FARS2: variants seen among roughly 807,000 people sequenced by gnomAD.
FARS2 encodes phenylalanine--tRNA ligase, mitochondrial.
In FARS2, 40 loss-of-function variants were observed where a neutral mutation model predicts 46.4. The ratio of observed to expected loss-of-function variants is 0.86; its 90% CI spans 0.67 to 1.12. The LOEUF is 1.12. Among genes scored for constraint, FARS2 ranks in the 50% most tolerant of loss-of-function variants. The pLI is 0.00. For synonymous variants in FARS2, 234 were observed against 214.9 expected (o/e 1.09, Z -0.78); for missense variants, 513 against 567.9 (o/e 0.90, Z 0.98).
intron 1 of FARS2, among the ~76,000 whole-genome samples, chr6:5,267,811 T>G (rs1002146423): frequency 6.6e-6 from 1 of 151,400 alleles, no homozygotes; most frequent in Admixed American, 6.6e-5. Context: ...TAGTTTACAC[T>G]CCCACCAACA....
At chr6:5,358,921 G>A (rs949058871) in intron 1 of FARS2, among the ~76,000 whole-genome samples, 1 of 151,032 alleles carries the variant, frequency 6.6e-6, no homozygotes, top group African/African-American at 2.4e-5. Context: ...GAAGTTTCCA[G>A]TGTGACAGAA....
intron 5 of FARS2, among the ~76,000 whole-genome samples, chr6:5,549,203 TTAAGTTCTAGGG>T (rs1214519558): frequency 2.6e-5 from 4 of 152,166 alleles, no homozygotes; most frequent in South Asian, 2.1e-4. Context: ...TAATTATACT[TTAAGTTCTAGGG>T]TACATGTGCA....
chr6:5,341,247 T>A (rs1771625884), intron 1 of FARS2, among the ~76,000 whole-genome samples: 1 of 74,624 alleles, frequency 1.3e-5, no homozygotes, highest in African/African-American at 5.3e-5. Context: ...TTTTTTTTTT[T>A]TTTTTTTTTT....
At chr6:5,353,358 AACATGG>A (rs1757694324) in intron 1 of FARS2, among the ~76,000 whole-genome samples, 1 of 152,214 alleles carries the variant, frequency 6.6e-6, no homozygotes, top group East Asian at 1.9e-4. Flanking sequence ...TGCTGCAATA[AACATGG>A]GAGTGCAGAT....
intron 6 of FARS2, among the ~76,000 whole-genome samples, chr6:5,663,232 C>G (rs115846752): frequency 1.3e-5 from 2 of 152,120 alleles, no homozygotes; most frequent in Admixed American, 6.5e-5. Flanking sequence ...TAAAAACAAG[C>G]CCCCCTGGCT....
rs146402585 is a variant in FARS2, at chr6:5,447,072, C to T, written c.904+15900C>T. Reference sequence around the variant, plus strand: ...TCTCATCCTTCTGGTAGTAGTGAGGCATTGAAATATTTAAAGTAGGAAAAT... The same window carrying T: ...TCTCATCCTTCTGGTAGTAGTGAGGTATTGAAATATTTAAAGTAGGAAAAT... On this transcript the variant is annotated intron_variant, in intron 4 of 6. Coordinates refer to ENST00000274680, the MANE Select transcript of FARS2 (RefSeq NM_006567.5). 2.0e-5 allele frequency among the ~76,000 whole-genome samples: 3 copies of T among 152,254 alleles called. No individual in the cohort carries two copies. The East Asian group carries it at 5.8e-4, about 29-fold the overall frequency.
intron 6 of FARS2, among the ~76,000 whole-genome samples, chr6:5,724,393 G>C (rs778929298): frequency 6.6e-6 from 1 of 152,218 alleles, no homozygotes; most frequent in Non-Finnish European, 1.5e-5. Flanking sequence ...TGGTCATCAC[G>C]AAATATCCAT....
At chr6:5,493,904 G>A (rs73356333) in intron 4 of FARS2, among the ~76,000 whole-genome samples, 7,707 of 152,212 alleles carry the variant, frequency 0.051, 689 homozygotes, top group African/African-American at 0.18. Context: ...TGTCTCTTGT[G>A]TTAATGGCAT....
chr6:5,588,269 G>T (rs1268094937), intron 5 of FARS2, among the ~76,000 whole-genome samples: 4 of 152,082 alleles, frequency 2.6e-5, no homozygotes, highest in Non-Finnish European at 5.9e-5. Flanking sequence ...TGTGGGCGTG[G>T]GCAGCAGGGC....
At chr6:5,294,136 C>T (rs1166767469) in intron 1 of FARS2, among the ~76,000 whole-genome samples, 2 of 152,042 alleles carry the variant, frequency 1.3e-5, no homozygotes, top group Non-Finnish European at 2.9e-5. Context: ...AACAGGTGCC[C>T]TATTTGTGAA....
At chr6:5,487,590 A>G (rs1274915030) in intron 4 of FARS2, among the ~76,000 whole-genome samples, 1 of 152,184 alleles carries the variant, frequency 6.6e-6, no homozygotes, top group African/African-American at 2.4e-5. Context: ...CTGAAGTCGC[A>G]CGTTTCAGTC....
At chr6:5,594,260 C>T (rs1774079263) in intron 5 of FARS2, among the ~76,000 whole-genome samples, 1 of 152,198 alleles carries the variant, frequency 6.6e-6, no homozygotes, top group African/African-American at 2.4e-5. Context: ...GGATTCGTGC[C>T]TGAAGCACCT....
At chr6:5,530,438 A>G (rs1370233553) in intron 4 of FARS2, among the ~76,000 whole-genome samples, 2 of 152,150 alleles carry the variant, frequency 1.3e-5, no homozygotes, top group East Asian at 3.8e-4. Flanking sequence ...TGCTACAAGG[A>G]CATGATTGGC....
At chr6:5,689,908 G>A (rs1167260048) in intron 6 of FARS2, among the ~76,000 whole-genome samples, 1 of 152,098 alleles carries the variant, frequency 6.6e-6, no homozygotes, top group Admixed American at 6.5e-5. Flanking sequence ...ATATATTTAG[G>A]ATAGTTAGCT....
At chr6:5,523,792 T>C (rs1190240310) in intron 4 of FARS2, among the ~76,000 whole-genome samples, 3 of 152,200 alleles carry the variant, frequency 2.0e-5, no homozygotes, top group African/African-American at 7.2e-5. Flanking sequence ...CTTTACCCTT[T>C]AGGGTTTGTC....
intron 2 of FARS2, chr6:5,371,197 T>C (rs1759041572): frequency 1.0e-6 from 1 of 984,552 alleles, no homozygotes; most frequent in Non-Finnish European, 1.2e-6. Flanking sequence ...AGTCAGAAGA[T>C]TGTGGTGTTT....
chr6:5,423,538 A>G (rs947038220), intron 3 of FARS2, among the ~76,000 whole-genome samples: 1 of 152,064 alleles, frequency 6.6e-6, no homozygotes, highest in Non-Finnish European at 1.5e-5. Context: ...ACCATTGCCA[A>G]TGGTGGAGGA....
intron 4 of FARS2, among the ~76,000 whole-genome samples, chr6:5,498,932 C>T (rs1489398959): frequency 1.3e-5 from 2 of 152,106 alleles, no homozygotes; most frequent in Admixed American, 1.3e-4. Context: ...GAGTCTCACT[C>T]TGTCACCCAG....
intron 4 of FARS2, among the ~76,000 whole-genome samples, chr6:5,532,946 CTT>C (rs545872363): frequency 6.7e-6 from 1 of 149,832 alleles, no homozygotes; most frequent in Non-Finnish European, 1.5e-5. Flanking sequence ...TAATACAAAA[CTT>C]TTTTTTTTCA....
Sources: gnomAD v4.1 joint callset for allele counts (sites outside exome capture counted in the v4.1 genomes callset) on GRCh38, gnomAD v4.1.1 for gene constraint, MANE v1.5 for transcripts, NCBI Gene and HGNC (gene_info 2026-07-23, HGNC 2026-07-21) for gene names.